The following C2CD3 variants were observed in gnomAD, a reference collection of about 807,000 sequenced individuals.
The protein encoded by C2CD3 is C2 domain containing 3 centriole elongation regulator.
C2CD3 carries 148 observed loss-of-function variants against 234.0 expected under a neutral mutation model. The ratio of observed to expected loss-of-function variants is 0.63; its 90% CI spans 0.55 to 0.72. The LOEUF is 0.72. C2CD3 is among the 30% of genes least tolerant of loss of function. C2CD3 has a pLI of 0.00. For synonymous variants in C2CD3, 1,000 were observed against 1,035.4 expected, an observed-to-expected ratio of 0.97 and a Z score of 0.66; for missense variants, 2,577 against 2,811.5, an observed-to-expected ratio of 0.92 and a Z score of 1.89.
At chr11:74,074,638 G>A in intron 23 of C2CD3, 38 bp from the exon 24 acceptor site, 4 of 1,526,906 alleles carry the variant, frequency 2.6e-6, no homozygotes, top group Non-Finnish European at 3.6e-6. Flanking sequence ...TAGTCAAGCA[G>A]GAACCAAGAC....
chr11:74,057,305 G>T, intron 25 of C2CD3, 101 bp downstream of exon 25: 2 of 1,175,398 alleles, frequency 1.7e-6, no homozygotes, highest in Non-Finnish European at 2.5e-6. Flanking sequence ...CATTTTCCAG[G>T]TCTGCTCAAA....
intron 32 of C2CD3, among the ~76,000 whole-genome samples, chr11:74,021,441 A>AC (rs1952078940): frequency 2.0e-5 from 3 of 152,184 alleles, no homozygotes; most frequent in African/African-American, 7.2e-5. Context: ...TTGTAGAGTT[A>AC]CAGTTGTAGA....
rs1378537964 is a variant in C2CD3 at position 74,098,163 on chromosome 11, T to C, written c.2825A>G (p.His942Arg). Residue 942 changes from histidine to arginine, a missense_variant, in exon 16 of 33, where the codon CAC becomes CGC. Coordinates refer to ENST00000334126, the MANE Select transcript of C2CD3 (RefSeq NM_001286577.2). ...AAAGACTCGAAGACTCCCATTTTGG[T>C]GGCCTGAAAACACATCAATCACAGG... Reference protein sequence around the residue: ...YMPVIDVFSGHQNGSLRVFLA... With the variant: ...YMPVIDVFSGRQNGSLRVFLA... 1.9e-6 allele frequency: 3 copies of C among 1,613,978 alleles called. No individual in the cohort carries two copies. Among genetic ancestry groups the C allele is most frequent in the South Asian group, 2.2e-5 (2 of 91,088 alleles).
intron 32 of C2CD3, among the ~76,000 whole-genome samples, chr11:74,024,546 C>G (rs1192872595): frequency 4.6e-5 from 7 of 152,076 alleles, no homozygotes; most frequent in Non-Finnish European, 1.0e-4. Context: ...TAATAAAGGC[C>G]ACAAGATGAT....
chr11:74,061,997 T>C (rs924528569), intron 24 of C2CD3, among the ~76,000 whole-genome samples: 1 of 151,972 alleles, frequency 6.6e-6, no homozygotes, highest in South Asian at 2.1e-4. Context: ...AAACAGACTT[T>C]AAACCAACAA....
intron 27 of C2CD3, 56 bp downstream of exon 27, chr11:74,049,281 G>T: frequency 7.0e-7 from 1 of 1,420,962 alleles, no homozygotes; most frequent in Non-Finnish European, 9.9e-7. Flanking sequence ...AGTAAAGGAT[G>T]TTCTTATAGG....
intron 12 of C2CD3, 21 bp downstream of exon 12, chr11:74,109,013 G>C: frequency 7.5e-7 from 1 of 1,338,462 alleles, no homozygotes; most frequent in South Asian, 1.2e-5. Context: ...GTAAGGCAAA[G>C]GCCAAAATCA....
At chr11:74,094,428 C>T (rs919638283) in intron 17 of C2CD3, among the ~76,000 whole-genome samples, 10 of 152,028 alleles carry the variant, frequency 6.6e-5, no homozygotes, top group Non-Finnish European at 1.5e-4. Context: ...TCTGTATATA[C>T]AAATCTCTTA....
chr11:74,027,775 A>G (rs981917811), intron 32 of C2CD3, among the ~76,000 whole-genome samples: 2 of 151,180 alleles, frequency 1.3e-5, no homozygotes, highest in Admixed American at 6.6e-5. Context: ...TACTTGCAAG[A>G]AAGTTCAGGT....
At chr11:74,013,649 C>A in intron 32 of C2CD3, 124 bp from the exon 33 acceptor site, 1 of 519,648 alleles carries the variant, frequency 1.9e-6, no homozygotes, top group Non-Finnish European at 3.0e-6. Context: ...GTTTACAAAG[C>A]GCTTTACGTA....
intron 28 of C2CD3, among the ~76,000 whole-genome samples, chr11:74,043,619 T>G (rs75621979): frequency 0.026 from 3,968 of 152,222 alleles, 168 homozygotes; most frequent in African/African-American, 0.089. Flanking sequence ...CCAATTTATC[T>G]ACCCCTTCCT....
In C2CD3 at chr11:74,106,422, A is replaced by C. The variant is rs202199928; in HGVS notation, c.2034T>G (p.Asp678Glu). 1.1e-5 allele frequency: 18 copies of C among 1,613,928 alleles called. No homozygotes were observed. In the East Asian group the frequency reaches 3.8e-4, roughly 34 times the overall value. ...CATTTTCTTGTTGCACTGGAAGCTGATCACTGAAAGAAAGCAGCTCTGATT... is the reference window on the plus strand; with the variant it reads ...CATTTTCTTGTTGCACTGGAAGCTGCTCACTGAAAGAAAGCAGCTCTGATT... Reference protein sequence around the residue: ...VIQSELLSFSDQLPVQQENGQ... With the variant: ...VIQSELLSFSEQLPVQQENGQ... Residue 678 changes from aspartate (D) to glutamate (E), a missense_variant, in exon 13 of 33, where the codon GAT (aspartate) becomes GAG (glutamate). Coordinates refer to ENST00000334126, the MANE Select transcript of C2CD3 (RefSeq NM_001286577.2).
At chr11:74,016,819 T>A (rs933860603) in intron 32 of C2CD3, 36 of 152,178 alleles carry the variant, frequency 2.4e-4, no homozygotes, top group African/African-American at 8.7e-4. Flanking sequence ...CACAAGAAAG[T>A]TGTCAGCAGA....
intron 26 of C2CD3, among the ~76,000 whole-genome samples, chr11:74,051,044 T>C (rs1440600811): frequency 1.3e-5 from 2 of 151,242 alleles, no homozygotes; most frequent in African/African-American, 4.9e-5. Flanking sequence ...CCCAGCACTT[T>C]GGGAGGTTGA....
intron 29 of C2CD3, among the ~76,000 whole-genome samples, chr11:74,040,419 G>T (rs538412201): frequency 6.0e-5 from 9 of 151,214 alleles, no homozygotes; most frequent in Non-Finnish European, 1.2e-4. Flanking sequence ...TTTTGTTGAT[G>T]TTTCTTTTCT....
intron 29 of C2CD3, among the ~76,000 whole-genome samples, chr11:74,039,395 C>A (rs1346427352): frequency 6.6e-6 from 1 of 152,122 alleles, no homozygotes; most frequent in Non-Finnish European, 1.5e-5. Context: ...TTGTTTCGCG[C>A]CCATTTGGTA....
At chr11:74,066,654 C>T (rs76514519) in intron 24 of C2CD3, among the ~76,000 whole-genome samples, 1 of 148,692 alleles carries the variant, frequency 6.7e-6, no homozygotes. Flanking sequence ...TAGACCAATT[C>T]TTTTTTTTTT....
intron 32 of C2CD3, among the ~76,000 whole-genome samples, chr11:74,023,149 A>G (rs1952155402): frequency 6.6e-6 from 1 of 152,224 alleles, no homozygotes; most frequent in South Asian, 2.1e-4. Flanking sequence ...TGGCTCAGGT[A>G]TATCATTTCA....
Position 74,023,860 on chromosome 11 carries a change from T to C in C2CD3, c.6921+4427A>G, listed in dbSNP as rs117664985. On this transcript the variant is annotated intron_variant, in intron 32 of 32. Coordinates refer to ENST00000334126, the MANE Select transcript of C2CD3 (RefSeq NM_001286577.2). ...TTTGTGGAAGGAGTTGGTGTCTCCA[T>C]CTTGTTATCATTCAATCACTGTATA... 4.3e-4 allele frequency among the ~76,000 whole-genome samples: 65 copies of C among 152,374 alleles called. 2 individuals carry two copies. In the East Asian group the frequency reaches 0.012, roughly 29 times the overall value.
Sources: allele counts gnomAD v4.1 joint callset (sites outside exome capture counted in the v4.1 genomes callset), GRCh38; gene constraint gnomAD v4.1.1; transcripts MANE v1.5; gene names NCBI Gene and HGNC (gene_info 2026-07-23, HGNC 2026-07-21).